Variants in DBT observed in about 807,000 individuals in gnomAD.
DBT encodes the protein lipoamide acyltransferase component of branched-chain alpha-keto acid dehydrogenase complex, mitochondrial.
In DBT, 40 loss-of-function variants were observed where a neutral mutation model predicts 51.3. That is an observed-to-expected ratio of 0.78 (90% confidence interval 0.61 to 1.02). DBT has a LOEUF of 1.02. Among genes scored for constraint, DBT ranks in the 50% least tolerant of loss-of-function variants. DBT has a pLI of 0.00. For synonymous variants in DBT, 181 were observed against 190.4 expected (o/e 0.95, Z 0.41); for missense variants, 510 against 580.2 (o/e 0.88, Z 1.24).
At position 100,191,868 on chromosome 1, in the gene DBT, T is replaced by C; in HGVS notation, c.*4387A>G. 1 of 152,224 alleles carries C rather than the reference T, an allele frequency of 6.6e-6. No individual in the cohort carries two copies. The highest frequency in any genetic ancestry group is 1.5e-5 in the Non-Finnish European group (1 of 68,208). The allele number at this position is 152,224 out of a possible 1,614,324, so 9.4% of individuals were successfully genotyped here. The stretch of plus-strand genomic sequence containing the variant: ...GGCACAATCTCAGCTCACGGCAGCC[T>C]TTGCCCCCAGATGCAAGTGATCCTG... On this transcript the variant is annotated 3_prime_UTR_variant, in exon 11 of 11. Transcript: ENST00000370132.
Position 100,218,932 on chromosome 1 carries a change from TGGG to T in DBT, c.434-188_434-186del, listed in dbSNP as rs55792733. On this transcript the variant is annotated intron_variant, in intron 4 of 10. Transcript: ENST00000370132. The stretch of plus-strand genomic sequence containing the variant: ...AACTATCCTAATGGTATGGGTAGAG[TGGG>T]GGGGGGGGTGTGTGCCGGTACCTGG... 4.7e-4 allele frequency among the ~76,000 whole-genome samples: 69 copies of T among 146,776 alleles called. 1 individual carries two copies. Among genetic ancestry groups the T allele is most frequent in the South Asian group, 6.5e-4 (3 of 4,644 alleles).
At chr1:100,200,527 G>A (rs1045422133) in intron 10 of DBT, among the ~76,000 whole-genome samples, 1 of 152,208 alleles carries the variant, frequency 6.6e-6, no homozygotes, top group African/African-American at 2.4e-5. Context: ...AAAGAGCAGT[G>A]GATCTCCCAG....
chr1:100,241,366 T>TTTTGTG (rs947738213), intron 1 of DBT, among the ~76,000 whole-genome samples: 1 of 144,012 alleles, frequency 6.9e-6, no homozygotes, highest in African/African-American at 2.6e-5. Context: ...CTGAAAGGTA[T>TTTTGTG]TGTGTGTGTG....
intron 4 of DBT, among the ~76,000 whole-genome samples, chr1:100,221,470 T>C (rs1662854026): frequency 6.6e-6 from 1 of 152,178 alleles, no homozygotes; most frequent in Non-Finnish European, 1.5e-5. Flanking sequence ...TATTTTCTCC[T>C]CTGATTACAA....
chr1:100,218,469 A>G (rs543636899), intron 5 of DBT, among the ~76,000 whole-genome samples, 157 bp downstream of exon 5: 2 of 152,302 alleles, frequency 1.3e-5, no homozygotes, highest in East Asian at 3.9e-4. Flanking sequence ...CATTTCTCCC[A>G]TGTATTTTTA....
In DBT at chr1:100,215,960, A is replaced by G. The variant is rs768942813; in HGVS notation, c.772+23T>C. 6.8e-6 allele frequency: 9 copies of G among 1,333,114 alleles called. No homozygotes were observed. In the Admixed American group the frequency reaches 8.4e-5, roughly 12 times the overall value. The allele number at this position is 1,333,114 out of a possible 1,614,324, so 82.6% of individuals were successfully genotyped here. A position where few individuals can be genotyped will look rare whatever the true frequency, so the allele number is the denominator to read the frequency against. On this transcript the variant is annotated intron_variant, in intron 6 of 10. Coordinates refer to ENST00000370132, the MANE Select transcript of DBT (RefSeq NM_001918.5). ...CAAAATAAATGAACTATTGCCTTATAGTATTGTTATTATTATCATTACCTT... is the reference window on the plus strand; with the variant it reads ...CAAAATAAATGAACTATTGCCTTATGGTATTGTTATTATTATCATTACCTT...
intron 10 of DBT, among the ~76,000 whole-genome samples, chr1:100,203,986 G>A (rs1269205080): frequency 2.6e-5 from 4 of 152,106 alleles, no homozygotes; most frequent in African/African-American, 9.7e-5. Context: ...TAAACCCACA[G>A]CCAATATTAT....
intron 2 of DBT, among the ~76,000 whole-genome samples, chr1:100,238,942 G>C (rs1394113699): frequency 6.6e-6 from 1 of 152,120 alleles, no homozygotes; most frequent in African/African-American, 2.4e-5. Flanking sequence ...TAAAAGAGAA[G>C]CAGAAGAAGA....
At chr1:100,208,400 A>G (rs1661927212) in intron 8 of DBT, among the ~76,000 whole-genome samples, 1 of 152,164 alleles carries the variant, frequency 6.6e-6, no homozygotes, top group Non-Finnish European at 1.5e-5. Flanking sequence ...CTTTCTGGAG[A>G]ACATATGACA....
chr1:100,239,261 G>A (rs938971402), intron 2 of DBT, among the ~76,000 whole-genome samples: 11 of 152,278 alleles, frequency 7.2e-5, no homozygotes, highest in African/African-American at 2.4e-4. Context: ...CTAGTAATTT[G>A]TAGACCAGGA....
chr1:100,208,664 G>A (rs1661939411), intron 8 of DBT, among the ~76,000 whole-genome samples: 1 of 151,774 alleles, frequency 6.6e-6, no homozygotes, highest in Admixed American at 6.6e-5. Context: ...TTGGGAGGCT[G>A]AGGTGGGTGG....
At chr1:100,224,462 T>G (rs1663052329) in intron 4 of DBT, among the ~76,000 whole-genome samples, 2 of 152,192 alleles carry the variant, frequency 1.3e-5, no homozygotes, top group African/African-American at 4.8e-5. Context: ...CATAGTTTAT[T>G]CTTACAATAA....
At chr1:100,245,559 A>G (rs181968850) in intron 1 of DBT, among the ~76,000 whole-genome samples, 2 of 152,340 alleles carry the variant, frequency 1.3e-5, no homozygotes. Flanking sequence ...AATTATTAAT[A>G]ACACCATTTT....
intron 7 of DBT, among the ~76,000 whole-genome samples, chr1:100,212,005 C>T (rs1276897567): frequency 1.3e-5 from 2 of 152,172 alleles, no homozygotes; most frequent in Non-Finnish European, 2.9e-5. Flanking sequence ...CTCCTGAGCT[C>T]AAGCAATCTG....
intron 10 of DBT, among the ~76,000 whole-genome samples, chr1:100,198,642 A>T (rs1661243283): frequency 6.6e-6 from 1 of 152,200 alleles, no homozygotes; most frequent in African/African-American, 2.4e-5. Flanking sequence ...CAAATGTTGA[A>T]TTCTTGTTGG....
At chr1:100,198,323 G>T (rs1661225558) in intron 10 of DBT, among the ~76,000 whole-genome samples, 1 of 152,160 alleles carries the variant, frequency 6.6e-6, no homozygotes, top group Non-Finnish European at 1.5e-5. Flanking sequence ...ATAGAATGGT[G>T]GTTACCAAAG....
chr1:100,244,750 A>G (rs1664443330), intron 1 of DBT, among the ~76,000 whole-genome samples: 1 of 149,868 alleles, frequency 6.7e-6, no homozygotes, highest in South Asian at 2.1e-4. Context: ...AAAAATTATA[A>G]TAATATACTG....
rs939324739 is a variant in DBT, at chr1:100,237,697, G to A, written c.176-2186C>T. On this transcript the variant is annotated intron_variant, in intron 2 of 10. Transcript: ENST00000370132. ...TCTGTTGCCCAGGCTGGAGTGCAGT[G>A]GCACAATCAGCTCATGATAACTTCA... Among the ~76,000 whole-genome samples the A allele has an allele frequency of 1.7e-4, 26 of 152,042 alleles. 1 individual carries two copies. Among genetic ancestry groups the A allele is most frequent in the Non-Finnish European group, 3.2e-4 (22 of 68,014 alleles).
intron 6 of DBT, among the ~76,000 whole-genome samples, 156 bp downstream of exon 6, chr1:100,215,827 A>G (rs540870772): frequency 3.7e-4 from 56 of 152,340 alleles, no homozygotes; most frequent in African/African-American, 1.0e-3. Context: ...CATCTCAAAA[A>G]AAAAGAAAAG....
Sources: gnomAD v4.1 joint callset for allele counts (sites outside exome capture counted in the v4.1 genomes callset) on GRCh38, gnomAD v4.1.1 for gene constraint, MANE v1.5 for transcripts, NCBI Gene and HGNC (gene_info 2026-07-23, HGNC 2026-07-21) for gene names.